CFAP20: variants seen among roughly 807,000 people sequenced by gnomAD.
The protein encoded by CFAP20 is cilia and flagella associated protein 20.
Under a neutral mutation model 25.5 loss-of-function variants are expected in CFAP20, and 14 were observed. That is an observed-to-expected ratio of 0.55 (90% confidence interval 0.36 to 0.86). The LOEUF is 0.86. Ranked by LOEUF, CFAP20 falls within the 40% of genes least tolerant of loss-of-function variation. The probability of loss-of-function intolerance (pLI) is 0.01; values close to 1 mark genes in which losing one functional copy is unlikely to be tolerated. For synonymous variants in CFAP20, 75 were observed against 91.1 expected, an observed-to-expected ratio of 0.82 and a Z score of 1.01; for missense variants, 181 against 248.0, an observed-to-expected ratio of 0.73 and a Z score of 1.81.
intron 1 of CFAP20, among the ~76,000 whole-genome samples, chr16:58,125,199 A>C (rs1960596452): frequency 6.6e-6 from 1 of 152,208 alleles, no homozygotes; most frequent in Non-Finnish European, 1.5e-5. Flanking sequence ...CAGGGTCAGG[A>C]TCATTAACAT....
At chr16:58,123,624 A>AAAAAAAAAAT in intron 1 of CFAP20, among the ~76,000 whole-genome samples, 1 of 145,944 alleles carries the variant, frequency 6.9e-6, no homozygotes, top group Admixed American at 6.8e-5. Flanking sequence ...AAAAAAAAAA[A>AAAAAAAAAAT]AAAAAGACTG....
intron 1 of CFAP20, among the ~76,000 whole-genome samples, chr16:58,123,392 C>T (rs1327490800): frequency 2.0e-5 from 3 of 147,902 alleles, no homozygotes; most frequent in Non-Finnish European, 4.5e-5. Context: ...GTCAGGAGAT[C>T]GAGACCATCC....
intron 1 of CFAP20, among the ~76,000 whole-genome samples, chr16:58,117,893 A>G (rs979957121): frequency 1.3e-5 from 2 of 152,282 alleles, no homozygotes; most frequent in African/African-American, 2.4e-5. Flanking sequence ...CAGGAATTCA[A>G]TTCCCATCTG....
intron 1 of CFAP20, among the ~76,000 whole-genome samples, chr16:58,127,719 G>C (rs1466243823): frequency 6.6e-6 from 1 of 152,204 alleles, no homozygotes; most frequent in Non-Finnish European, 1.5e-5. Flanking sequence ...GAGATGGGCA[G>C]ATTTTACATA....
intron 3 of CFAP20, chr16:58,115,796 A>G (rs1046370602): frequency 3.7e-5 from 19 of 513,782 alleles, no homozygotes; most frequent in Non-Finnish European, 6.3e-5. Context: ...CCAAATGGAT[A>G]CCACGCTAAC....
chr16:58,115,047 G>C, intron 4 of CFAP20, 127 bp from the exon 5 acceptor site: 4 of 1,018,668 alleles, frequency 3.9e-6, no homozygotes, highest in Non-Finnish European at 5.9e-6. Context: ...CTTGTCTTAG[G>C]GATGGATTCT....
At position 58,116,871 on chromosome 16, in the gene CFAP20, C is replaced by T. The variant is rs767928662; in HGVS notation, c.164+1G>A. 22 of 1,613,548 alleles carry T rather than the reference C, an allele frequency of 1.4e-5. No individual in the cohort carries two copies. The highest frequency in any genetic ancestry group is 1.8e-5 in the Non-Finnish European group (21 of 1,179,604). On this transcript the variant is annotated splice_donor_variant, in intron 2 of 5. Transcript: ENST00000262498. LOFTEE classifies it high-confidence loss of function. Reference sequence around the variant, plus strand: ...CTGGGAGAACAGAGGTGGCAACCTACCTTACATTTGTCCCTTCAATCTCTA... The same window carrying T: ...CTGGGAGAACAGAGGTGGCAACCTATCTTACATTTGTCCCTTCAATCTCTA...
chr16:58,115,353 G>A lies in CFAP20; in HGVS notation c.381C>T (p.Asp127=), dbSNP rs144778705. ...FICTMPMRLD[D]GWNQIQFNLL... ...AGTTGAACTGAATCTGGTTCCAGCC[G>A]TCATCCAGCCGCATGGGCATGGTGC... Residue 127 remains aspartate (D), a synonymous_variant, in exon 4 of 6, where the codon GAC becomes GAT. Transcript: ENST00000262498. 639 of 1,614,238 alleles carry A rather than the reference G, an allele frequency of 4.0e-4. 1 individual carries two copies. Among genetic ancestry groups the A allele is most frequent in the Middle Eastern group, 4.9e-4 (3 of 6,062 alleles).
intron 1 of CFAP20, among the ~76,000 whole-genome samples, chr16:58,126,326 T>C (rs2142370656): frequency 6.6e-6 from 1 of 152,302 alleles, no homozygotes; most frequent in South Asian, 2.1e-4. Context: ...GGAGGGGCTG[T>C]GAGCTTCAGA....
At position 58,116,921 on chromosome 16, in the gene CFAP20, C is replaced by T. The variant is rs751641684; in HGVS notation, c.115G>A (p.Asp39Asn). The change falls in exon 2 of 6, where the codon GAT becomes AAT. Residue 39 changes from aspartate (D) to asparagine (N), a missense_variant. By Grantham distance (23) the Asp-to-Asn change is conservative. Coordinates refer to ENST00000262498, the MANE Select transcript of CFAP20 (RefSeq NM_013242.3). ...AGCACCAGGGACTGGATGTCATTAT[C>T]AGTGATTCTTTTGATGTGGCCATTC... The part of the protein sequence containing the change: ...VRNGHIKRIT[D>N]NDIQSLVLEI... 1 of 1,614,198 alleles carries T rather than the reference C, an allele frequency of 6.2e-7. No individual in the cohort carries two copies. The highest frequency in any genetic ancestry group is 8.5e-7 in the Non-Finnish European group (1 of 1,180,014).
At chr16:58,122,800 G>C (rs1960552495) in intron 1 of CFAP20, among the ~76,000 whole-genome samples, 1 of 152,144 alleles carries the variant, frequency 6.6e-6, no homozygotes, top group South Asian at 2.1e-4. Flanking sequence ...TTTCTGAAGA[G>C]AGACTTTATT....
chr16:58,121,609 T>A (rs1376558708), intron 1 of CFAP20, among the ~76,000 whole-genome samples: 2 of 152,232 alleles, frequency 1.3e-5, no homozygotes, highest in Non-Finnish European at 2.9e-5. Flanking sequence ...TCAAAGAGCT[T>A]CAGAATCCAG....
intron 1 of CFAP20, among the ~76,000 whole-genome samples, chr16:58,128,642 G>T (rs1226349805): frequency 1.3e-5 from 2 of 152,146 alleles, no homozygotes; most frequent in East Asian, 3.8e-4. Context: ...CATCCCCAAA[G>T]CTCCTTCAAA....
At chr16:58,123,512 C>T (rs377130364) in intron 1 of CFAP20, among the ~76,000 whole-genome samples, 1,428 of 136,932 alleles carry the variant, frequency 0.01, 14 homozygotes, top group African/African-American at 0.021. Flanking sequence ...AGGAGAATGG[C>T]GTGAACCCAG....
intron 1 of CFAP20, among the ~76,000 whole-genome samples, chr16:58,127,610 A>G (rs11859780): frequency 5.4e-4 from 82 of 152,350 alleles, no homozygotes; most frequent in African/African-American, 1.9e-3. Context: ...GAAAAAATAC[A>G]TGAAACTAAA....
chr16:58,113,710 TG>T lies in CFAP20; in HGVS notation c.*314del, dbSNP rs1187351860. The T allele has an allele frequency of 1.2e-5, 4 of 326,640 alleles. No individual in the cohort carries two copies. Among genetic ancestry groups the T allele is most frequent in the Non-Finnish European group, 2.3e-5 (4 of 174,930 alleles). 20.2% of individuals were successfully genotyped at this position (326,640 alleles called of 1,614,324 possible). ...TAAACCGCAGGAAGAAATATTGGTC[TG>T]GAATTCCTTATGGGCCATCTTTAAT... On this transcript the variant is annotated 3_prime_UTR_variant, in exon 6 of 6. Transcript: ENST00000262498.
chr16:58,126,453 C>G (rs1960613739), intron 1 of CFAP20, among the ~76,000 whole-genome samples: 1 of 152,156 alleles, frequency 6.6e-6, no homozygotes, highest in Non-Finnish European at 1.5e-5. Context: ...CAGACAGAGC[C>G]TAAACAAAAG....
chr16:58,127,592 T>G (rs543208585), intron 1 of CFAP20, among the ~76,000 whole-genome samples: 96 of 152,302 alleles, frequency 6.3e-4, no homozygotes, highest in Non-Finnish European at 8.7e-4. Context: ...AATGCTTTAT[T>G]CCATTGTGAA....
chr16:58,117,432 T>C (rs1468301969), intron 1 of CFAP20, among the ~76,000 whole-genome samples: 1 of 151,230 alleles, frequency 6.6e-6, no homozygotes, highest in Non-Finnish European at 1.5e-5. Flanking sequence ...TTTCTCTTTC[T>C]TTTTTCTTTT....
Sources: gnomAD v4.1 joint callset for allele counts (sites outside exome capture counted in the v4.1 genomes callset) on GRCh38, gnomAD v4.1.1 for gene constraint, MANE v1.5 for transcripts, NCBI Gene and HGNC (gene_info 2026-07-23, HGNC 2026-07-21) for gene names.